The following RIMS2 variants were observed in gnomAD, a reference collection of about 807,000 sequenced individuals.
RIMS2 encodes the protein regulating synaptic membrane exocytosis protein 2.
A neutral mutation model predicts 174.4 loss-of-function variants in RIMS2; 59 were observed. The ratio of observed to expected loss-of-function variants is 0.34; its 90% CI spans 0.27 to 0.42. RIMS2 has a LOEUF of 0.42. Ranked by LOEUF, RIMS2 falls within the 10% of genes least tolerant of loss-of-function variation. The probability of loss-of-function intolerance (pLI) is 1.00; values close to 1 mark genes in which losing one functional copy is unlikely to be tolerated. For missense variants in RIMS2, 1,620 were observed against 1,666.3 expected (o/e 0.97, Z 0.48); for synonymous variants, 606 against 572.5 (o/e 1.06, Z -0.84).
intron 19 of RIMS2, among the ~76,000 whole-genome samples, chr8:104,230,333 T>C (rs2099218837): frequency 6.6e-6 from 1 of 151,686 alleles, no homozygotes; most frequent in Admixed American, 6.6e-5. Context: ...GAAAGGAAAT[T>C]TTATTTTAGC....
intron 1 of RIMS2, among the ~76,000 whole-genome samples, chr8:103,566,912 C>T (rs905498765): frequency 6.6e-6 from 1 of 152,134 alleles, no homozygotes; most frequent in Non-Finnish European, 1.5e-5. Flanking sequence ...AGCGGTGCAA[C>T]TATAACCATA....
intron 1 of RIMS2, among the ~76,000 whole-genome samples, chr8:103,682,170 G>A (rs1385376808): frequency 3.9e-5 from 6 of 151,970 alleles, no homozygotes; most frequent in African/African-American, 1.5e-4. Flanking sequence ...TTAAGTAGGC[G>A]ATTGAATACT....
At chr8:104,043,966 A>G (rs1356562381) in intron 19 of RIMS2, among the ~76,000 whole-genome samples, 1 of 151,676 alleles carries the variant, frequency 6.6e-6, no homozygotes, top group Non-Finnish European at 1.5e-5. Flanking sequence ...TAGATTAGAA[A>G]AGTAAACATG....
exon 13 of RIMS2, chr8:103,936,563 GAGA>G: frequency 1.3e-6 from 2 of 1,567,494 alleles, no homozygotes; most frequent in Non-Finnish European, 1.7e-6. Context: ...ATAAAAACAA[GAGA>G]AGAACTAAAA....
chr8:103,515,073 T>C (rs192400026), intron 1 of RIMS2, among the ~76,000 whole-genome samples: 25 of 152,338 alleles, frequency 1.6e-4, no homozygotes, highest in Non-Finnish European at 2.6e-4. Flanking sequence ...TCATGTCCTT[T>C]TCTTTCAGTG....
intron 14 of RIMS2, among the ~76,000 whole-genome samples, chr8:103,951,093 A>C (rs1432791014): frequency 6.6e-6 from 1 of 152,256 alleles, no homozygotes; most frequent in Non-Finnish European, 1.5e-5. Context: ...GTGATTCATC[A>C]CATAATCAAA....
chr8:103,854,581 T>C (rs1430605312), intron 3 of RIMS2, among the ~76,000 whole-genome samples: 1 of 151,904 alleles, frequency 6.6e-6, no homozygotes, highest in East Asian at 1.9e-4. Context: ...TGAAGAGATG[T>C]TGGATTTCAT....
At chr8:104,046,254 G>T (rs2096693015) in intron 19 of RIMS2, among the ~76,000 whole-genome samples, 1 of 151,912 alleles carries the variant, frequency 6.6e-6, no homozygotes, top group Non-Finnish European at 1.5e-5. Flanking sequence ...GAGAGAAGGG[G>T]CAATGGATCT....
At chr8:103,698,302 C>T (rs1032937681) in intron 2 of RIMS2, among the ~76,000 whole-genome samples, 1 of 152,116 alleles carries the variant, frequency 6.6e-6, no homozygotes, top group Non-Finnish European at 1.5e-5. Flanking sequence ...TGAAAGCAGA[C>T]GTTCCATTGT....
chr8:103,751,408 C>T (rs375252694), intron 2 of RIMS2, among the ~76,000 whole-genome samples: 7 of 151,630 alleles, frequency 4.6e-5, no homozygotes, highest in Admixed American at 2.0e-4. Flanking sequence ...AATAAACATA[C>T]GTGTGCATGT....
chr8:104,019,956 C>T (rs1384580383), intron 19 of RIMS2, among the ~76,000 whole-genome samples: 1 of 152,036 alleles, frequency 6.6e-6, no homozygotes. Flanking sequence ...ATTTTAAATT[C>T]ATTAAGATAA....
At chr8:104,182,069 A>G (rs922474565) in intron 19 of RIMS2, among the ~76,000 whole-genome samples, 2 of 151,776 alleles carry the variant, frequency 1.3e-5, no homozygotes, top group Non-Finnish European at 2.9e-5. Context: ...GAGGAATGTC[A>G]TATTTGAAAG....
intron 2 of RIMS2, among the ~76,000 whole-genome samples, chr8:103,738,323 A>G (rs2139217643): frequency 6.6e-6 from 1 of 152,314 alleles, no homozygotes; most frequent in East Asian, 1.9e-4. Flanking sequence ...AAAACTGGCT[A>G]GCCATATGTA....
chr8:103,812,413 G>A (rs142989967), intron 3 of RIMS2, among the ~76,000 whole-genome samples: 5 of 147,286 alleles, frequency 3.4e-5, no homozygotes, highest in East Asian at 4.2e-4. Context: ...GCAATGGCAC[G>A]ATCTTGGCTC....
intron 1 of RIMS2, among the ~76,000 whole-genome samples, chr8:103,659,366 A>G (rs1405855003): frequency 6.6e-6 from 1 of 152,150 alleles, no homozygotes; most frequent in Non-Finnish European, 1.5e-5. Flanking sequence ...ACACCTGTGT[A>G]CTACCTTCTC....
chr8:103,517,641 A>G (rs1173013563), intron 1 of RIMS2, among the ~76,000 whole-genome samples: 1 of 152,192 alleles, frequency 6.6e-6, no homozygotes, highest in Non-Finnish European at 1.5e-5. Flanking sequence ...ATGTATTAAC[A>G]TGGTCCTTGG....
chr8:103,779,843 A>G (rs201111705), intron 3 of RIMS2, among the ~76,000 whole-genome samples: 2 of 151,518 alleles, frequency 1.3e-5, no homozygotes, highest in Admixed American at 1.3e-4. Context: ...CATGGCACAT[A>G]TATACATACG....
In RIMS2 at chr8:104,136,151, G is replaced by A. The variant is rs138795124; in HGVS notation, c.3335-108765G>A. ...ATGTACTTTGTTCAACACTTTTGCC[G>A]TAAGTGTGTTCAGGTTACAGTGGTG... On this transcript the variant is annotated intron_variant, in intron 19 of 23. Coordinates refer to ENST00000504942, the Ensembl canonical transcript of RIMS2. Among the ~76,000 whole-genome samples, 1,240 of 152,244 alleles carry A rather than the reference G, an allele frequency of 8.1e-3. 21 individuals carry two copies. Among genetic ancestry groups the A allele is most frequent in the African/African-American group, 0.028 (1,181 of 41,558 alleles).
At chr8:104,141,111 A>T (rs2098564336) in intron 19 of RIMS2, among the ~76,000 whole-genome samples, 1 of 143,990 alleles carries the variant, frequency 6.9e-6, no homozygotes, top group Non-Finnish European at 1.5e-5. Context: ...GTGCAGGGAC[A>T]TATAACTAGC....
Sources: gnomAD v4.1 joint callset for allele counts (sites outside exome capture counted in the v4.1 genomes callset) on GRCh38, gnomAD v4.1.1 for gene constraint, MANE v1.5 for transcripts, NCBI Gene and HGNC (gene_info 2026-07-23, HGNC 2026-07-21) for gene names.